The following ARHGEF28 variants were observed in gnomAD, a reference collection of about 807,000 sequenced individuals.
ARHGEF28 encodes Rho guanine nucleotide exchange factor 28.
ARHGEF28 carries 152 observed loss-of-function variants against 206.6 expected under a neutral mutation model. The observed-to-expected ratio is 0.74, with a 90% CI of 0.64 to 0.84. The LOEUF is 0.84. Ranked by LOEUF, ARHGEF28 falls within the 40% of genes least tolerant of loss-of-function variation. The probability of loss-of-function intolerance (pLI) is 0.00; values close to 1 mark genes in which losing one functional copy is unlikely to be tolerated. For missense variants in ARHGEF28, 2,028 were observed against 2,073.2 expected (o/e 0.98, Z 0.42); for synonymous variants, 763 against 776.4 (o/e 0.98, Z 0.29).
chr5:73,896,426 G>C (rs1384944361), intron 29 of ARHGEF28, among the ~76,000 whole-genome samples: 1 of 136,752 alleles, frequency 7.3e-6, no homozygotes, highest in Non-Finnish European at 1.6e-5. Context: ...AATTTTAGAA[G>C]AGGATGTTAT....
chr5:73,781,755 T>A (rs1019252402), intron 7 of ARHGEF28, among the ~76,000 whole-genome samples: 2 of 152,198 alleles, frequency 1.3e-5, no homozygotes, highest in African/African-American at 4.8e-5. Flanking sequence ...TATTATCTTC[T>A]TATCAGTTAC....
Position 73,745,598 on chromosome 5 carries a change from T to C in ARHGEF28, c.34-4239T>C, listed in dbSNP as rs549551983. Among the ~76,000 whole-genome samples, 30 of 152,228 alleles carry C rather than the reference T, an allele frequency of 2.0e-4. No individual in the cohort carries two copies. In the South Asian group the frequency reaches 5.2e-3, roughly 26 times the overall value. On this transcript the variant is annotated intron_variant, in intron 2 of 35. Transcript: ENST00000513042. Reference sequence around the variant, plus strand: ...ACCTGATTCTTTGTGTGTATTTATATTGAACTATGTTTAGTATGATTCTAG... The same window carrying C: ...ACCTGATTCTTTGTGTGTATTTATACTGAACTATGTTTAGTATGATTCTAG...
chr5:73,839,836 T>C (rs1043036238), intron 10 of ARHGEF28, among the ~76,000 whole-genome samples: 1 of 152,244 alleles, frequency 6.6e-6, no homozygotes, highest in African/African-American at 2.4e-5. Flanking sequence ...TTGTTCTTTT[T>C]GTTTGGTGTT....
intron 11 of ARHGEF28, among the ~76,000 whole-genome samples, chr5:73,845,860 C>T (rs189834180): frequency 5.5e-4 from 83 of 151,566 alleles, no homozygotes; most frequent in African/African-American, 1.9e-3. Context: ...TGGTGGCGCA[C>T]GCCTGTAGTC....
At chr5:73,829,613 C>A (rs1308590179) in intron 9 of ARHGEF28, among the ~76,000 whole-genome samples, 1 of 152,058 alleles carries the variant, frequency 6.6e-6, no homozygotes, top group Non-Finnish European at 1.5e-5. Context: ...ATCTCCTGAC[C>A]TTGTGATCTG....
chr5:73,670,813 C>G (rs1405984910), intron 1 of ARHGEF28, among the ~76,000 whole-genome samples: 1 of 152,076 alleles, frequency 6.6e-6, no homozygotes, highest in East Asian at 1.9e-4. Context: ...TGTCTTTTGT[C>G]AATTTTCTAA....
chr5:73,746,604 G>C (rs1316979879), intron 2 of ARHGEF28, among the ~76,000 whole-genome samples: 2 of 152,000 alleles, frequency 1.3e-5, no homozygotes, highest in African/African-American at 2.4e-5. Flanking sequence ...CTAATTTTAT[G>C]CTTTTATGGA....
At chr5:73,724,142 G>A (rs1750142195) in intron 2 of ARHGEF28, among the ~76,000 whole-genome samples, 1 of 152,304 alleles carries the variant, frequency 6.6e-6, no homozygotes, top group East Asian at 1.9e-4. Flanking sequence ...GTGGGAATTA[G>A]ACCAAAGGTT....
At chr5:73,647,668 G>A (rs1744518991) in intron 1 of ARHGEF28, among the ~76,000 whole-genome samples, 1 of 152,252 alleles carries the variant, frequency 6.6e-6, no homozygotes, top group Non-Finnish European at 1.5e-5. Context: ...CATGTGGCAA[G>A]TGGCTACCAT....
chr5:73,908,564 T>G (rs975402283), intron 33 of ARHGEF28: 1 of 152,258 alleles, frequency 6.6e-6, no homozygotes, highest in Non-Finnish European at 1.5e-5. Flanking sequence ...TCTTTGGTTT[T>G]GTGGAATCCT....
intron 7 of ARHGEF28, among the ~76,000 whole-genome samples, chr5:73,791,095 T>C (rs1329980816): frequency 6.6e-6 from 1 of 152,224 alleles, no homozygotes; most frequent in Non-Finnish European, 1.5e-5. Flanking sequence ...TGTCTAACCA[T>C]CCACCACATC....
chr5:73,639,865 A>T (rs1459729575), intron 1 of ARHGEF28, among the ~76,000 whole-genome samples: 1 of 151,122 alleles, frequency 6.6e-6, no homozygotes, highest in Non-Finnish European at 1.5e-5. Context: ...GTGCTTTTTC[A>T]TTTTCTTATT....
chr5:73,837,621 A>AT (rs1561443857), intron 10 of ARHGEF28, among the ~76,000 whole-genome samples: 1 of 151,954 alleles, frequency 6.6e-6, no homozygotes, highest in Non-Finnish European at 1.5e-5. Flanking sequence ...ATATGTTCTC[A>AT]GATACATTAA....
chr5:73,824,830 T>G (rs1422178264), intron 9 of ARHGEF28, among the ~76,000 whole-genome samples: 2 of 152,030 alleles, frequency 1.3e-5, no homozygotes, highest in Admixed American at 6.5e-5. Context: ...CCCAGCAGGT[T>G]GCACAGTACC....
intron 4 of ARHGEF28, among the ~76,000 whole-genome samples, chr5:73,754,439 G>A (rs1038893523): frequency 7.9e-5 from 12 of 151,998 alleles, no homozygotes; most frequent in African/African-American, 2.9e-4. Flanking sequence ...TAATTGATAC[G>A]TATGGCGTGG....
At chr5:73,738,313 C>T (rs2112367659) in intron 2 of ARHGEF28, among the ~76,000 whole-genome samples, 1 of 152,250 alleles carries the variant, frequency 6.6e-6, no homozygotes, top group Non-Finnish European at 1.5e-5. Context: ...GGTTATGGGT[C>T]TTCAGTTTGC....
chr5:73,676,691 T>C (rs1040582679), intron 1 of ARHGEF28, among the ~76,000 whole-genome samples: 8 of 152,252 alleles, frequency 5.3e-5, no homozygotes, highest in Non-Finnish European at 2.9e-5. Flanking sequence ...ATGATTTTCT[T>C]TTTAAGTTGT....
intron 7 of ARHGEF28, among the ~76,000 whole-genome samples, chr5:73,781,604 C>G (rs1753850289): frequency 6.6e-6 from 1 of 152,126 alleles, no homozygotes; most frequent in South Asian, 2.1e-4. Flanking sequence ...TTCTAGGAAG[C>G]ATATTTTTGC....
rs183996351 is a variant in ARHGEF28 at position 73,773,426 on chromosome 5, G to A, written c.476-429G>A. Reference sequence around the variant, plus strand: ...GGCTCTGAGGACAAAGGGTGGAAACGGAAGTCCCTCTACAGTCTCAGCCTC... The same window carrying A: ...GGCTCTGAGGACAAAGGGTGGAAACAGAAGTCCCTCTACAGTCTCAGCCTC... On this transcript the variant is annotated intron_variant, in intron 4 of 35. Coordinates refer to ENST00000513042, the MANE Select transcript of ARHGEF28 (RefSeq NM_001177693.2). Among the ~76,000 whole-genome samples, 77 of 152,284 alleles carry A rather than the reference G, an allele frequency of 5.1e-4. 1 individual carries two copies. The highest frequency in any genetic ancestry group is 4.4e-3 in the Admixed American group (68 of 15,290).
Sources: gnomAD v4.1 joint callset for allele counts (sites outside exome capture counted in the v4.1 genomes callset) on GRCh38, gnomAD v4.1.1 for gene constraint, MANE v1.5 for transcripts, NCBI Gene and HGNC (gene_info 2026-07-23, HGNC 2026-07-21) for gene names.